KCNIP1: variants seen among roughly 807,000 people sequenced by gnomAD.
KCNIP1 encodes the protein potassium voltage-gated channel interacting protein 1, also known as A-type potassium channel modulatory protein KCNIP1.
KCNIP1 carries 18 observed loss-of-function variants against 33.0 expected under a neutral mutation model. The ratio of observed to expected loss-of-function variants is 0.55; its 90% CI spans 0.38 to 0.81. The LOEUF is 0.81. KCNIP1 is among the 30% of genes least tolerant of loss of function. The pLI is 0.00. For synonymous variants in KCNIP1, 93 were observed against 98.3 expected (o/e 0.95, Z 0.32); for missense variants, 238 against 271.6 (o/e 0.88, Z 0.87).
chr5:170,495,296 C>T (rs548533658), intron 1 of KCNIP1, among the ~76,000 whole-genome samples: 1 of 152,310 alleles, frequency 6.6e-6, no homozygotes, highest in East Asian at 1.9e-4. Flanking sequence ...GCAGCTGGGG[C>T]CTCCCAGGCT....
intron 1 of KCNIP1, among the ~76,000 whole-genome samples, chr5:170,554,784 G>A (rs1259245962): frequency 1.3e-5 from 2 of 152,106 alleles, no homozygotes; most frequent in East Asian, 3.9e-4. Flanking sequence ...TATGTGTCAT[G>A]CTCTCCTTCC....
At chr5:170,618,017 T>C (rs1481735115) in intron 1 of KCNIP1, among the ~76,000 whole-genome samples, 1 of 152,208 alleles carries the variant, frequency 6.6e-6, no homozygotes, top group African/African-American at 2.4e-5. Context: ...GTACCATTTC[T>C]TCTCCACGAC....
At chr5:170,546,400 G>A (rs541988336) in intron 1 of KCNIP1, among the ~76,000 whole-genome samples, 12 of 152,230 alleles carry the variant, frequency 7.9e-5, no homozygotes, top group South Asian at 4.1e-4. Flanking sequence ...TGTCCTATGC[G>A]TTAAAGCCAA....
chr5:170,630,332 C>T (rs559568974), intron 1 of KCNIP1, among the ~76,000 whole-genome samples: 15 of 151,874 alleles, frequency 9.9e-5, no homozygotes, highest in South Asian at 6.2e-4. Flanking sequence ...CTGAGTGCTC[C>T]GACTCCAGCA....
chr5:170,645,666 T>C (rs1314152937), intron 1 of KCNIP1, among the ~76,000 whole-genome samples: 14 of 152,130 alleles, frequency 9.2e-5, no homozygotes, highest in Non-Finnish European at 1.2e-4. Flanking sequence ...AGAGCAGATA[T>C]CGTATTTTTC....
chr5:170,626,670 C>A (rs1759840560), intron 1 of KCNIP1, among the ~76,000 whole-genome samples: 1 of 152,208 alleles, frequency 6.6e-6, no homozygotes, highest in Non-Finnish European at 1.5e-5. Flanking sequence ...GGTCTCATTG[C>A]CCGAGTGCTG....
intron 1 of KCNIP1, among the ~76,000 whole-genome samples, chr5:170,507,318 T>G (rs574065300): frequency 1.3e-5 from 2 of 152,352 alleles, no homozygotes; most frequent in African/African-American, 4.8e-5. Context: ...AGTTACCATC[T>G]TAAAATAGCT....
At chr5:170,466,038 G>A (rs1038856108) in intron 1 of KCNIP1, among the ~76,000 whole-genome samples, 6 of 152,138 alleles carry the variant, frequency 3.9e-5, no homozygotes, top group African/African-American at 1.2e-4. Flanking sequence ...ACCAAGGAGG[G>A]GACTAGTGCA....
chr5:170,373,747 T>A (rs1025733169), intron 1 of KCNIP1, among the ~76,000 whole-genome samples: 1 of 152,230 alleles, frequency 6.6e-6, no homozygotes, highest in African/African-American at 2.4e-5. Flanking sequence ...CAATGCATGT[T>A]ACATGACCTC....
At chr5:170,371,069 C>T (rs556384219) in intron 1 of KCNIP1, among the ~76,000 whole-genome samples, 25 of 152,286 alleles carry the variant, frequency 1.6e-4, no homozygotes, top group African/African-American at 4.6e-4. Context: ...GAATGAGAGG[C>T]GGGTGCATTT....
intron 1 of KCNIP1, among the ~76,000 whole-genome samples, chr5:170,696,985 C>T (rs749137257): frequency 1.3e-5 from 2 of 152,096 alleles, no homozygotes; most frequent in African/African-American, 2.4e-5. Flanking sequence ...AAAGCTCTCC[C>T]CATCCTCCCT....
chr5:170,577,851 C>T (rs1287241186), intron 1 of KCNIP1, among the ~76,000 whole-genome samples: 1 of 152,192 alleles, frequency 6.6e-6, no homozygotes, highest in African/African-American at 2.4e-5. Flanking sequence ...GTTTGTAAGT[C>T]AAGAGCTTCA....
At chr5:170,390,517 A>AAAAAAAAAAAAAAAAATATAT in intron 1 of KCNIP1, among the ~76,000 whole-genome samples, 4 of 74,544 alleles carry the variant, frequency 5.4e-5, no homozygotes, top group African/African-American at 1.9e-4. Context: ...AAAAAAAACA[A>AAAAAAAAAAAAAAAAATATAT]ATATATATAT....
chr5:170,633,654 G>A, intron 1 of KCNIP1, among the ~76,000 whole-genome samples: 1 of 141,378 alleles, frequency 7.1e-6, no homozygotes, highest in Non-Finnish European at 1.5e-5. Context: ...GGAGAGGAGA[G>A]GTCAGAGAGA....
intron 1 of KCNIP1, chr5:170,377,835 G>A (rs530363409): frequency 6.6e-6 from 1 of 152,380 alleles, no homozygotes; most frequent in Admixed American, 6.5e-5. Flanking sequence ...GCCTCCCAAA[G>A]TGCTGGGATT....
chr5:170,422,672 C>T (rs1755523601), intron 1 of KCNIP1: 1 of 152,186 alleles, frequency 6.6e-6, no homozygotes, highest in Non-Finnish European at 1.5e-5. Flanking sequence ...TACAGAATAA[C>T]AGGTCCCAGA....
At chr5:170,612,252 C>A (rs1161736400) in intron 1 of KCNIP1, among the ~76,000 whole-genome samples, 1 of 152,244 alleles carries the variant, frequency 6.6e-6, no homozygotes. Context: ...CTCTCCCATC[C>A]CTTCCCTTTT....
intron 1 of KCNIP1, among the ~76,000 whole-genome samples, chr5:170,580,094 T>C (rs1281804026): frequency 6.6e-6 from 1 of 152,208 alleles, no homozygotes; most frequent in African/African-American, 2.4e-5. Flanking sequence ...AAATGGCTAC[T>C]GGTCCCCTGG....
At chr5:170,564,918 C>A (rs557318289) in intron 1 of KCNIP1, among the ~76,000 whole-genome samples, 10 of 151,988 alleles carry the variant, frequency 6.6e-5, no homozygotes, top group African/African-American at 2.4e-4. Context: ...CTCAGTGAGA[C>A]TGAGAGATTT....
Sources: allele counts gnomAD v4.1 joint callset (sites outside exome capture counted in the v4.1 genomes callset), GRCh38; gene constraint gnomAD v4.1.1; transcripts MANE v1.5; gene names NCBI Gene and HGNC (gene_info 2026-07-23, HGNC 2026-07-21).